Variants in FMNL2 observed in about 807,000 individuals in gnomAD.
FMNL2 encodes the protein formin-like protein 2.
A neutral mutation model predicts 130.2 loss-of-function variants in FMNL2; 51 were observed. That is an observed-to-expected ratio of 0.39 (90% CI 0.31 to 0.49). The LOEUF is 0.49. Among genes scored for constraint, FMNL2 ranks in the 20% least tolerant of loss-of-function variants. FMNL2 has a pLI of 0.85. For missense variants in FMNL2, 977 were observed against 1,316.2 expected, an observed-to-expected ratio of 0.74 and a Z score of 3.99; for synonymous variants, 465 against 467.1, an observed-to-expected ratio of 1.00 and a Z score of 0.06.
chr2:152,430,729 G>A (rs1483392130), intron 1 of FMNL2, among the ~76,000 whole-genome samples: 5 of 152,166 alleles, frequency 3.3e-5, no homozygotes, highest in East Asian at 1.9e-4. Context: ...AAAAATTAGC[G>A]GGGCATGGTG....
chr2:152,341,654 T>G (rs1681814529), intron 1 of FMNL2, among the ~76,000 whole-genome samples: 3 of 152,184 alleles, frequency 2.0e-5, no homozygotes, highest in Non-Finnish European at 4.4e-5. Flanking sequence ...AGTCGTGAGA[T>G]GATGGAAATC....
chr2:152,466,730 T>C (rs1237230057), intron 1 of FMNL2, among the ~76,000 whole-genome samples: 1 of 152,204 alleles, frequency 6.6e-6, no homozygotes, highest in African/African-American at 2.4e-5. Flanking sequence ...ATACTGCCCT[T>C]TAAATATGGC....
At chr2:152,617,267 G>A in intron 13 of FMNL2, 75 bp downstream of exon 13, 1 of 1,316,414 alleles carries the variant, frequency 7.6e-7, no homozygotes, top group Non-Finnish European at 1.1e-6. Context: ...GTGGAACGCA[G>A]AGTACCTTCA....
intron 1 of FMNL2, among the ~76,000 whole-genome samples, chr2:152,520,248 G>C (rs925757143): frequency 7.9e-5 from 12 of 151,972 alleles, no homozygotes; most frequent in Non-Finnish European, 1.5e-4. Context: ...TCTTTATAAA[G>C]TCCAAAGCTC....
intron 9 of FMNL2, among the ~76,000 whole-genome samples, chr2:152,588,535 A>G (rs1697211396): frequency 6.6e-6 from 1 of 152,202 alleles, no homozygotes; most frequent in South Asian, 2.1e-4. Context: ...TGTATAAGGC[A>G]GCATAGTCAA....
intron 8 of FMNL2, 56 bp from the exon 9 acceptor site, chr2:152,580,900 C>A: frequency 6.7e-7 from 1 of 1,489,144 alleles, no homozygotes. Flanking sequence ...GAAGAAACAG[C>A]TGACTCATCA....
chr2:152,525,043 T>G (rs777069002), intron 2 of FMNL2, among the ~76,000 whole-genome samples: 10 of 152,166 alleles, frequency 6.6e-5, no homozygotes, highest in Non-Finnish European at 1.2e-4. Context: ...ATTTTATAGA[T>G]GATGAAACTG....
chr2:152,618,535 C>T (rs1434699569), intron 13 of FMNL2, among the ~76,000 whole-genome samples: 1 of 152,180 alleles, frequency 6.6e-6, no homozygotes, highest in African/African-American at 2.4e-5. Context: ...CCAGAACACC[C>T]TCAGGAGATT....
At chr2:152,593,022 C>G (rs553084689) in intron 9 of FMNL2, among the ~76,000 whole-genome samples, 1 of 152,154 alleles carries the variant, frequency 6.6e-6, no homozygotes, top group Non-Finnish European at 1.5e-5. Flanking sequence ...GCAGGGTGAT[C>G]AGGAAGGGAA....
At chr2:152,639,848 ATTTATTG>A in intron 23 of FMNL2, 103 bp from the exon 24 acceptor site, 1 of 767,292 alleles carries the variant, frequency 1.3e-6, no homozygotes, top group Non-Finnish European at 1.9e-6. Context: ...TCAACCTTCC[ATTTATTG>A]TAATTCTCAA....
intron 12 of FMNL2, among the ~76,000 whole-genome samples, chr2:152,616,045 A>G (rs1443915778): frequency 1.3e-5 from 2 of 152,176 alleles, no homozygotes; most frequent in African/African-American, 2.4e-5. Flanking sequence ...GATTTGTGTT[A>G]TATGCTGAAC....
At chr2:152,574,434 C>CAAAAAAAAAAA (rs57776446) in intron 6 of FMNL2, among the ~76,000 whole-genome samples, 3 of 106,934 alleles carry the variant, frequency 2.8e-5, no homozygotes, top group Admixed American at 2.0e-4. Context: ...GACTCTGTCT[C>CAAAAAAAAAAA]AAAAAAAAAA....
intron 4 of FMNL2, among the ~76,000 whole-genome samples, chr2:152,550,397 T>C (rs1283880336): frequency 6.6e-6 from 1 of 152,200 alleles, no homozygotes; most frequent in Admixed American, 6.5e-5. Flanking sequence ...TCCCTGGAAA[T>C]GGGCTATAGA....
At chr2:152,424,898 C>T (rs1390427942) in intron 1 of FMNL2, among the ~76,000 whole-genome samples, 1 of 152,198 alleles carries the variant, frequency 6.6e-6, no homozygotes, top group Non-Finnish European at 1.5e-5. Flanking sequence ...AACACTATGT[C>T]TGGTATAACA....
At chr2:152,450,916 G>C (rs374075750) in intron 1 of FMNL2, among the ~76,000 whole-genome samples, 1 of 152,224 alleles carries the variant, frequency 6.6e-6, no homozygotes, top group Admixed American at 6.5e-5. Context: ...GGATTTTGAA[G>C]GTTCTTCTGG....
chr2:152,536,688 T>C (rs1694010910), intron 2 of FMNL2, among the ~76,000 whole-genome samples: 1 of 152,238 alleles, frequency 6.6e-6, no homozygotes, highest in Non-Finnish European at 1.5e-5. Context: ...CCAGTGACTG[T>C]GTGGCTATAC....
In FMNL2 at chr2:152,636,519, C is replaced by G; in HGVS notation, c.2773C>G (p.Leu925Val). The G allele has an allele frequency of 6.2e-7, 1 of 1,601,944 alleles. No homozygotes were observed. The highest frequency in any genetic ancestry group is 2.2e-5 in the East Asian group (1 of 44,508). Residue 925 changes from leucine (L) to valine (V), a missense_variant, in exon 22 of 26, where the codon CTG becomes GTG. Transcript: ENST00000288670. The part of the protein sequence containing the change: ...REYTMHDHNT[L>V]LKEFILNNEG... ...GTACACCATGCATGACCATAACACGCTGCTGAAGGAGTTCATCCTCAACAA... is the reference window on the plus strand; with the variant it reads ...GTACACCATGCATGACCATAACACGGTGCTGAAGGAGTTCATCCTCAACAA...
chr2:152,511,270 A>G (rs1388735363), intron 1 of FMNL2, among the ~76,000 whole-genome samples: 1 of 152,228 alleles, frequency 6.6e-6, no homozygotes, highest in Non-Finnish European at 1.5e-5. Context: ...CTGTGATTAT[A>G]ACTGGTTCCC....
chr2:152,497,786 G>C (rs796302475), intron 1 of FMNL2, among the ~76,000 whole-genome samples: 15 of 152,336 alleles, frequency 9.8e-5, no homozygotes, highest in African/African-American at 3.6e-4. Flanking sequence ...TTGGACATGG[G>C]TTAGTCGGGT....
Sources: allele counts gnomAD v4.1 joint callset (sites outside exome capture counted in the v4.1 genomes callset), GRCh38; gene constraint gnomAD v4.1.1; transcripts MANE v1.5; gene names NCBI Gene and HGNC (gene_info 2026-07-23, HGNC 2026-07-21).